Variants in KHDRBS3 observed in about 807,000 individuals in gnomAD.
KHDRBS3 encodes the protein KH domain-containing, RNA-binding, signal transduction-associated protein 3.
In KHDRBS3, 23 loss-of-function variants were observed where a neutral mutation model predicts 45.6. That is an observed-to-expected ratio of 0.50 (90% CI 0.36 to 0.72). KHDRBS3 has a LOEUF of 0.72. KHDRBS3 is among the 30% of genes least tolerant of loss of function. The pLI, the probability that KHDRBS3 is intolerant of heterozygous loss-of-function variation, is 0.00. For synonymous variants in KHDRBS3, 162 were observed against 156.5 expected, an observed-to-expected ratio of 1.04 and a Z score of -0.26; for missense variants, 352 against 424.8, an observed-to-expected ratio of 0.83 and a Z score of 1.51.
rs574274648 is a variant in KHDRBS3 at position 135,527,996 on chromosome 8, A to G, written c.207+6641A>G. Among the ~76,000 whole-genome samples, 3 of 152,280 alleles carry G rather than the reference A, an allele frequency of 2.0e-5. No homozygotes were observed. The South Asian group carries it at 6.2e-4, about 32-fold the overall frequency. On this transcript the variant is annotated intron_variant, in intron 2 of 8. Transcript: ENST00000355849. ...TGCCTGAGGTTTTTACTCAGGAGGT[A>G]TTTTTGTACTGTGATTGTGATTCTC... is the stretch of plus-strand genomic sequence containing the variant.
intron 5 of KHDRBS3, among the ~76,000 whole-genome samples, chr8:135,573,314 T>G (rs1827794949): frequency 6.6e-6 from 1 of 152,250 alleles, no homozygotes; most frequent in Admixed American, 6.5e-5. Context: ...TAGTATGTGT[T>G]TACAAACTCT....
At chr8:135,525,985 C>T (rs1033088859) in intron 2 of KHDRBS3, among the ~76,000 whole-genome samples, 2 of 152,092 alleles carry the variant, frequency 1.3e-5, no homozygotes, top group African/African-American at 4.8e-5. Context: ...TGTATTTTTG[C>T]TGTATCTTTT....
intron 6 of KHDRBS3, among the ~76,000 whole-genome samples, chr8:135,604,841 T>A (rs1348541536): frequency 6.6e-6 from 1 of 151,952 alleles, no homozygotes; most frequent in Non-Finnish European, 1.5e-5. Flanking sequence ...TTTTTTTTAA[T>A]GTGGATTCAA....
chr8:135,598,244 T>C (rs1013789873), intron 6 of KHDRBS3, among the ~76,000 whole-genome samples: 1 of 152,124 alleles, frequency 6.6e-6, no homozygotes, highest in African/African-American at 2.4e-5. Flanking sequence ...AGCTTGAGAG[T>C]GTTAAAAGGA....
At chr8:135,462,070 A>T (rs901324342) in intron 1 of KHDRBS3, among the ~76,000 whole-genome samples, 1 of 152,082 alleles carries the variant, frequency 6.6e-6, no homozygotes, top group African/African-American at 2.4e-5. Flanking sequence ...AACATTTCGG[A>T]TTTGCTTGAA....
At chr8:135,467,127 C>T (rs1821737340) in intron 1 of KHDRBS3, among the ~76,000 whole-genome samples, 2 of 152,172 alleles carry the variant, frequency 1.3e-5, no homozygotes, top group Non-Finnish European at 2.9e-5. Flanking sequence ...TGTACCCCCA[C>T]AATTAAAAAT....
chr8:135,480,127 AAACACCC>A (rs11279121), intron 1 of KHDRBS3, among the ~76,000 whole-genome samples: 84,395 of 151,152 alleles, frequency 0.56, 24,352 homozygotes, highest in East Asian at 0.77. Flanking sequence ...TCATGATAAA[AAACACCC>A]AACAAATTAG....
intron 1 of KHDRBS3, among the ~76,000 whole-genome samples, chr8:135,466,248 G>GC (rs1821691685): frequency 6.6e-6 from 1 of 152,114 alleles, no homozygotes. Flanking sequence ...TTGCTCAAGC[G>GC]CCTGAGGTAT....
chr8:135,647,066 G>T lies in KHDRBS3; in HGVS notation c.1023G>T (p.Gln341His), dbSNP rs1224266438. 6.2e-7 allele frequency: 1 copy of T among 1,601,058 alleles called. No individual in the cohort carries two copies. The highest frequency in any genetic ancestry group is 1.3e-5 in the African/African-American group (1 of 74,642). The change falls in exon 9 of 9, where the codon CAG becomes CAT. Residue 341 changes from glutamine to histidine, a missense_variant. Gln to His is a conservative substitution (Grantham distance 24). This residue lies in a region of KHDRBS3 where 212 missense variants were observed against 209.6 expected (regional missense o/e 1.01). Coordinates refer to ENST00000355849, the MANE Select transcript of KHDRBS3 (RefSeq NM_006558.3). ...ARTAKGVYRD[Q>H]PYGRY is the part of the protein sequence containing the mutation. ...CAGCAAAGGGCGTCTACAGAGACCAGCCATATGGCAGATACTGATTGTACT... is the reference window on the plus strand; with the variant it reads ...CAGCAAAGGGCGTCTACAGAGACCATCCATATGGCAGATACTGATTGTACT...
chr8:135,592,287 A>G (rs1828780951), intron 6 of KHDRBS3, among the ~76,000 whole-genome samples: 1 of 152,148 alleles, frequency 6.6e-6, no homozygotes, highest in African/African-American at 2.4e-5. Context: ...ACAACAACAA[A>G]ACACCTTATC....
intron 2 of KHDRBS3, chr8:135,541,539 C>T (rs1186707878): frequency 6.6e-6 from 1 of 152,082 alleles, no homozygotes; most frequent in Non-Finnish European, 1.5e-5. Context: ...TTTTAAAGTG[C>T]TAAGTACTTA....
At chr8:135,515,365 TAAAAAAAAAAAAAAAAAAAAAAAA>T (rs59502823) in intron 1 of KHDRBS3, among the ~76,000 whole-genome samples, 5 of 39,740 alleles carry the variant, frequency 1.3e-4, no homozygotes, top group South Asian at 1.7e-3. Context: ...GACTCCGTCT[TAAAAAAAAAAAAAAAAAAAAAAAA>T]AAAAAAAAAA....
intron 6 of KHDRBS3, among the ~76,000 whole-genome samples, chr8:135,584,145 C>T (rs1828345752): frequency 6.6e-6 from 1 of 152,224 alleles, no homozygotes; most frequent in African/African-American, 2.4e-5. Flanking sequence ...TTCCCACACT[C>T]ACTCATGCCT....
At chr8:135,632,142 ATCT>A (rs1437299270) in intron 7 of KHDRBS3, among the ~76,000 whole-genome samples, 5 of 152,114 alleles carry the variant, frequency 3.3e-5, no homozygotes, top group African/African-American at 9.7e-5. Context: ...TCTTCACTTG[ATCT>A]TCTTCTACTT....
At chr8:135,472,200 T>G (rs1235049623) in intron 1 of KHDRBS3, among the ~76,000 whole-genome samples, 1 of 152,232 alleles carries the variant, frequency 6.6e-6, no homozygotes, top group Admixed American at 6.5e-5. Context: ...GTTCACTCTA[T>G]GGCAGTGTGG....
chr8:135,608,430 GC>G (rs1404491608), intron 7 of KHDRBS3, among the ~76,000 whole-genome samples: 1 of 152,116 alleles, frequency 6.6e-6, no homozygotes, highest in Non-Finnish European at 1.5e-5. Context: ...GTTCTGTAAG[GC>G]CTTACAGTGT....
intron 6 of KHDRBS3, among the ~76,000 whole-genome samples, chr8:135,587,976 A>G (rs1828558532): frequency 6.6e-6 from 1 of 152,146 alleles, no homozygotes; most frequent in South Asian, 2.1e-4. Context: ...GCTGCTCTCA[A>G]TACGTCACTT....
chr8:135,608,824 G>A (rs1418300988), intron 7 of KHDRBS3, among the ~76,000 whole-genome samples: 1 of 152,196 alleles, frequency 6.6e-6, no homozygotes, highest in African/African-American at 2.4e-5. Flanking sequence ...TACCTGAACA[G>A]CATGTTACTA....
At position 135,567,738 on chromosome 8, in the gene KHDRBS3, C is replaced by T. The variant is rs144424708; in HGVS notation, c.611+10151C>T. On this transcript the variant is annotated intron_variant, in intron 5 of 8. Transcript: ENST00000355849. ...AGGATTACATTTACCACCACCCCAA[C>T]ACCACAGATTATATATTCCATGTGG... Among the ~76,000 whole-genome samples the T allele has an allele frequency of 9.6e-4, 147 of 152,344 alleles. 2 individuals are homozygous for T. The Middle Eastern group carries it at 0.014, about 14-fold the overall frequency.
Sources: allele counts gnomAD v4.1 joint callset (sites outside exome capture counted in the v4.1 genomes callset), GRCh38; gene constraint gnomAD v4.1.1; regional missense constraint gnomAD v4.1.1; transcripts MANE v1.5; gene names NCBI Gene and HGNC (gene_info 2026-07-23, HGNC 2026-07-21).